The following FAM13A variants were observed in gnomAD, a reference collection of about 807,000 sequenced individuals.
The protein encoded by FAM13A is protein FAM13A.
Under a neutral mutation model 129.6 loss-of-function variants are expected in FAM13A, and 76 were observed. The ratio of observed to expected loss-of-function variants is 0.59; its 90% CI spans 0.49 to 0.71. The LOEUF is 0.71. Among genes scored for constraint, FAM13A ranks in the 30% least tolerant of loss-of-function variants. The pLI, the probability that FAM13A is intolerant of heterozygous loss-of-function variation, is 0.00. For synonymous variants in FAM13A, 443 were observed against 449.9 expected (o/e 0.98, Z 0.20); for missense variants, 1,108 against 1,249.3 (o/e 0.89, Z 1.70).
chr4:88,753,818 TAACAAAGTACTAAATAAGGTA>T, intron 14 of FAM13A: 1 of 154,250 alleles, frequency 6.5e-6, no homozygotes, highest in Non-Finnish European at 1.4e-5. Flanking sequence ...ACTAGAACAA[TAACAAAGTACTAAATAAGGTA>T]GTGTGGTAGA....
chr4:88,824,500 T>C (rs1394222527), intron 7 of FAM13A, among the ~76,000 whole-genome samples: 1 of 152,198 alleles, frequency 6.6e-6, no homozygotes, highest in East Asian at 1.9e-4. Context: ...TCATACATAA[T>C]GATAAACTAT....
At chr4:88,790,539 TAAA>T in intron 9 of FAM13A, 44 bp downstream of exon 9, 10 of 1,229,768 alleles carry the variant, frequency 8.1e-6, no homozygotes, top group Non-Finnish European at 1.0e-5. Context: ...GACAGGGCAT[TAAA>T]AAAAAAAAAC....
chr4:88,813,345 C>T (rs972118274), intron 7 of FAM13A, among the ~76,000 whole-genome samples: 1 of 152,022 alleles, frequency 6.6e-6, no homozygotes, highest in African/African-American at 2.4e-5. Flanking sequence ...TTATTATAAA[C>T]ATAAAAACAT....
intron 4 of FAM13A, among the ~76,000 whole-genome samples, chr4:88,984,680 T>C (rs10023602): frequency 0.54 from 81,937 of 152,032 alleles, 22,149 homozygotes; most frequent in Middle Eastern, 0.62. Flanking sequence ...GGAATGTACA[T>C]GGCCATGTGT....
chr4:88,793,363 C>T (rs1425741948), intron 8 of FAM13A, among the ~76,000 whole-genome samples: 3 of 151,780 alleles, frequency 2.0e-5, no homozygotes, highest in African/African-American at 4.8e-5. Context: ...ACGAATAAAT[C>T]AATAATAAAA....
At chr4:88,867,524 T>C (rs1740657337) in intron 6 of FAM13A, among the ~76,000 whole-genome samples, 1 of 152,262 alleles carries the variant, frequency 6.6e-6, no homozygotes, top group Admixed American at 6.5e-5. Flanking sequence ...CGTGTATTTT[T>C]TGCCTCCTGG....
At chr4:88,777,822 T>TCA (rs1722074625) in intron 11 of FAM13A, among the ~76,000 whole-genome samples, 1 of 152,208 alleles carries the variant, frequency 6.6e-6, no homozygotes, top group African/African-American at 2.4e-5. Flanking sequence ...ACCAACCCTA[T>TCA]TCTTACTAAG....
In FAM13A at chr4:88,787,992, A is replaced by C. The variant is rs571536368; in HGVS notation, c.1092-60T>G. 4.6e-5 allele frequency: 64 copies of C among 1,401,086 alleles called. No homozygotes were observed. In the East Asian group the frequency reaches 1.3e-3, roughly 28 times the overall value. 86.8% of individuals were successfully genotyped at this position (1,401,086 alleles called of 1,614,324 possible). ...CAAGTTCATCAGTGATCACCTTAAA[A>C]AATCTGTGCCTACAGTTTTGGGAAC... On this transcript the variant is annotated intron_variant, in intron 9 of 23. Transcript: ENST00000264344.
At chr4:88,902,226 A>T (rs1222796934) in intron 6 of FAM13A, among the ~76,000 whole-genome samples, 1 of 152,198 alleles carries the variant, frequency 6.6e-6, no homozygotes, top group East Asian at 1.9e-4. Flanking sequence ...CAAAAAATTG[A>T]AAAGGAGGGA....
intron 5 of FAM13A, among the ~76,000 whole-genome samples, chr4:88,913,908 A>G (rs1749625062): frequency 6.6e-6 from 1 of 152,024 alleles, no homozygotes; most frequent in South Asian, 2.1e-4. Context: ...GAGCTTATAA[A>G]TTATCAGCAA....
intron 1 of FAM13A, among the ~76,000 whole-genome samples, chr4:89,044,134 C>T (rs1708682): frequency 0.58 from 85,082 of 146,982 alleles, 25,348 homozygotes; most frequent in Middle Eastern, 0.68. Context: ...AAAGACACAA[C>T]ACATAGAATA....
At chr4:88,813,087 C>CAT (rs1729987538) in intron 7 of FAM13A, among the ~76,000 whole-genome samples, 1 of 152,102 alleles carries the variant, frequency 6.6e-6, no homozygotes, top group Non-Finnish European at 1.5e-5. Flanking sequence ...TGCCATTATG[C>CAT]CCATAATTTT....
At chr4:88,921,776 A>T (rs1459850221) in intron 5 of FAM13A, among the ~76,000 whole-genome samples, 2 of 152,164 alleles carry the variant, frequency 1.3e-5, no homozygotes, top group Non-Finnish European at 2.9e-5. Context: ...AAGAGTCAAG[A>T]CCCATCAGTG....
chr4:88,880,242 G>A (rs1217090501), intron 6 of FAM13A, among the ~76,000 whole-genome samples: 2 of 152,142 alleles, frequency 1.3e-5, no homozygotes, highest in Non-Finnish European at 2.9e-5. Flanking sequence ...CCAGGAGACA[G>A]CTGAAAAATT....
At chr4:89,042,846 A>G (rs902159899) in intron 1 of FAM13A, among the ~76,000 whole-genome samples, 3 of 152,228 alleles carry the variant, frequency 2.0e-5, no homozygotes, top group Admixed American at 6.5e-5. Context: ...AAGTTCAACT[A>G]ATTTATTCAA....
At chr4:88,934,812 TGCC>T (rs1753591476) in intron 5 of FAM13A, among the ~76,000 whole-genome samples, 1 of 152,226 alleles carries the variant, frequency 6.6e-6, no homozygotes, top group Non-Finnish European at 1.5e-5. Flanking sequence ...GAAGACTATT[TGCC>T]AAATTCAACA....
At chr4:88,772,296 A>G (rs1003720630) in intron 11 of FAM13A, among the ~76,000 whole-genome samples, 1 of 152,170 alleles carries the variant, frequency 6.6e-6, no homozygotes, top group Non-Finnish European at 1.5e-5. Context: ...TGTACATTTT[A>G]TGTTTTATTG....
chr4:88,853,505 A>G (rs2149996907), intron 6 of FAM13A, among the ~76,000 whole-genome samples: 1 of 152,346 alleles, frequency 6.6e-6, no homozygotes, highest in Non-Finnish European at 1.5e-5. Context: ...GTAGACATGA[A>G]AAATCAATAA....
At chr4:89,043,458 A>C (rs1308222831) in intron 1 of FAM13A, among the ~76,000 whole-genome samples, 1 of 152,124 alleles carries the variant, frequency 6.6e-6, no homozygotes, top group Non-Finnish European at 1.5e-5. Context: ...TGAGCTGTGA[A>C]ACCTGAAAGG....
Sources: allele counts gnomAD v4.1 joint callset (sites outside exome capture counted in the v4.1 genomes callset), GRCh38; gene constraint gnomAD v4.1.1; transcripts MANE v1.5; gene names NCBI Gene and HGNC (gene_info 2026-07-23, HGNC 2026-07-21).